Variants in RPL7L1 observed in about 807,000 individuals in gnomAD.
RPL7L1 encodes the protein ribosomal protein uL30-like.
In RPL7L1, 20 loss-of-function variants were observed where a neutral mutation model predicts 30.3. The ratio of observed to expected loss-of-function variants is 0.66; its 90% CI spans 0.46 to 0.96. RPL7L1 has a LOEUF of 0.96. Among genes scored for constraint, RPL7L1 ranks in the 40% least tolerant of loss-of-function variants. RPL7L1 has a pLI of 0.00. For synonymous variants in RPL7L1, 107 were observed against 110.1 expected, an observed-to-expected ratio of 0.97 and a Z score of 0.18; for missense variants, 271 against 314.9, an observed-to-expected ratio of 0.86 and a Z score of 1.05.
intron 2 of RPL7L1, chr6:42,881,750 CTTAAT>C (rs1345287563): frequency 1.3e-5 from 2 of 150,414 alleles, no homozygotes; most frequent in Non-Finnish European, 3.0e-5. Context: ...TTTTTTTTAA[CTTAAT>C]TTAATTTTGT....
rs146721546 is a variant in RPL7L1 at position 42,883,541 on chromosome 6, C to T, written c.238C>T (p.Arg80Ter). The T allele has an allele frequency of 1.2e-5, 19 of 1,609,576 alleles. No individual in the cohort carries two copies. Among genetic ancestry groups the T allele is most frequent in the African/African-American group, 4.0e-5 (3 of 74,722 alleles). The change falls in exon 3 of 6, where the codon CGA (arginine) becomes TGA (stop). Residue 80 changes from arginine (R) to a stop codon, truncating the protein, a stop_gained. Transcript: ENST00000493763. LOFTEE classifies it high-confidence loss of function. ...GAAACGTGACAAGGTGCGTCTCAGA[C>T]GACTAGAAGTGAAACCTCATGCCTT... ...RQKRDKVRLR[R>*]LEVKPHALEL...
At chr6:42,885,536 C>A (rs546193637) in intron 4 of RPL7L1, 1 of 159,358 alleles carries the variant, frequency 6.3e-6, no homozygotes, top group African/African-American at 2.4e-5. Flanking sequence ...CGTGCCACTG[C>A]ACTCCAGCCT....
chr6:42,879,722 A>G lies in RPL7L1; in HGVS notation c.-189A>G. The G allele has an allele frequency of 1.7e-6, 1 of 584,326 alleles. No individual in the cohort carries two copies. The highest frequency in any genetic ancestry group is 2.0e-5 in the South Asian group (1 of 50,648). The allele number at this position is 584,326 out of a possible 1,614,324, so 36.2% of individuals were successfully genotyped here. A position where few individuals can be genotyped will look rare whatever the true frequency, so the allele number is the denominator to read the frequency against. On this transcript the variant is annotated 5_prime_UTR_variant, in exon 1 of 6. Coordinates refer to ENST00000493763, the MANE Select transcript of RPL7L1 (RefSeq NM_001366481.3). Reference sequence around the variant, plus strand: ...CTTACAAGAAAAGGGCTGGGTTTTGAAAATAACACAGGCTCTAAAAACCCT... The same window carrying G: ...CTTACAAGAAAAGGGCTGGGTTTTGGAAATAACACAGGCTCTAAAAACCCT...
chr6:42,885,232 C>T (rs757927184), intron 4 of RPL7L1, among the ~76,000 whole-genome samples: 1 of 151,410 alleles, frequency 6.6e-6, no homozygotes, highest in Non-Finnish European at 1.5e-5. Context: ...TGCCTGTATT[C>T]CCAGCTACTT....
chr6:42,883,668 A>G (rs1766163608), intron 3 of RPL7L1, 54 bp downstream of exon 3: 2 of 1,444,546 alleles, frequency 1.4e-6, no homozygotes, highest in African/African-American at 2.8e-5. Context: ...GTGTTGCTTA[A>G]GCTTTAGACC....
In RPL7L1 at chr6:42,883,526, A is replaced by G. The variant is rs142190825; in HGVS notation, c.223A>G (p.Lys75Glu). 11 of 1,609,988 alleles carry G rather than the reference A, an allele frequency of 6.8e-6. No individual in the cohort carries two copies. Among genetic ancestry groups the G allele is most frequent in the Non-Finnish European group, 9.3e-6 (11 of 1,178,010 alleles). ...TGATTCCTGGCGGCAGAAACGTGAC[A>G]AGGTGCGTCTCAGACGACTAGAAGT... ...LHDSWRQKRDKVRLRRLEVKP... is the reference protein window; with the variant it reads ...LHDSWRQKRDEVRLRRLEVKP... The change falls in exon 3 of 6, where the codon AAG becomes GAG. Residue 75 changes from lysine (K) to glutamate (E), a missense_variant. Coordinates refer to ENST00000493763, the MANE Select transcript of RPL7L1 (RefSeq NM_001366481.3).
At chr6:42,884,519 C>T in intron 3 of RPL7L1, 94 bp from the exon 4 acceptor site, 2 of 1,134,992 alleles carry the variant, frequency 1.8e-6, no homozygotes, top group Non-Finnish European at 2.6e-6. Context: ...TGTCTTATTC[C>T]AGATTACCCA....
chr6:42,881,457 A>T (rs7773231), intron 2 of RPL7L1: 63,004 of 151,908 alleles, frequency 0.41, 15,622 homozygotes, highest in African/African-American at 0.7. Flanking sequence ...AGAGCGAGAC[A>T]CTCTCTCAAA....
rs1765997225 is a variant in RPL7L1 at position 42,879,731 on chromosome 6, C to T, written c.-180C>T. On this transcript the variant is annotated 5_prime_UTR_variant, in exon 1 of 6. Transcript: ENST00000493763. Reference sequence around the variant, plus strand: ...AAAGGGCTGGGTTTTGAAAATAACACAGGCTCTAAAAACCCTAAGAAGCGG... The same window carrying T: ...AAAGGGCTGGGTTTTGAAAATAACATAGGCTCTAAAAACCCTAAGAAGCGG... 4.9e-6 allele frequency: 3 copies of T among 608,816 alleles called. No individual in the cohort carries two copies. 37.7% of individuals were successfully genotyped at this position (608,816 alleles called of 1,614,324 possible).
In RPL7L1 at chr6:42,888,272, C is replaced by T. The variant is rs1766350693; in HGVS notation, c.*1808C>T. On this transcript the variant is annotated 3_prime_UTR_variant, in exon 6 of 6. Transcript: ENST00000493763. ...TGGGTTCAAGTGATTCTGCCTCAGC[C>T]CCTTGATCAGCTGGGATTACATGCA... The T allele has an allele frequency of 6.6e-6, 1 of 152,266 alleles. No homozygotes were observed. The highest frequency in any genetic ancestry group is 2.1e-4 in the South Asian group (1 of 4,834). 9.4% of individuals were successfully genotyped at this position (152,266 alleles called of 1,614,324 possible).
rs1428851597 is a variant in RPL7L1 at position 42,887,497 on chromosome 6, C to T, written c.*1033C>T. 1.3e-5 allele frequency: 2 copies of T among 151,920 alleles called. No individual in the cohort carries two copies. The highest frequency in any genetic ancestry group is 1.9e-4 in the East Asian group (1 of 5,176). 9.4% of individuals were successfully genotyped at this position (151,920 alleles called of 1,614,324 possible). A position where few individuals can be genotyped will look rare whatever the true frequency, so the allele number is the denominator to read the frequency against. ...ACTCAGGAGGCTGAGGCAGGAGAAT[C>T]GCTTGAACCTGGGAGGTGGAAGTTG... On this transcript the variant is annotated 3_prime_UTR_variant, in exon 6 of 6. Coordinates refer to ENST00000493763, the MANE Select transcript of RPL7L1 (RefSeq NM_001366481.3).
At chr6:42,879,995 A>AC in intron 1 of RPL7L1, 44 bp downstream of exon 1, 1 of 1,579,496 alleles carries the variant, frequency 6.3e-7, no homozygotes, top group South Asian at 1.1e-5. Context: ...GGTCTTGAGT[A>AC]TCCGGTGCCA....
intron 3 of RPL7L1, among the ~76,000 whole-genome samples, chr6:42,884,385 C>T (rs993636134): frequency 1.3e-5 from 2 of 152,124 alleles, no homozygotes; most frequent in Admixed American, 6.5e-5. Flanking sequence ...CACCACTCCG[C>T]CTACCCCTGA....
Position 42,883,459 on chromosome 6 carries a change from A to G in RPL7L1, c.156A>G (p.Lys52=). The change falls in exon 3 of 6, where the codon AAA becomes AAG. Residue 52 remains lysine (K), a synonymous_variant. Transcript: ENST00000493763. ...QALLAKKEQK[K]GKGLRFKRLE... ...GTCTGTCTTCTCTGTAGCAGAAGAA[A>G]GGAAAAGGGCTCAGGTTTAAGCGAC... is the stretch of plus-strand genomic sequence containing the variant. 1 of 1,580,840 alleles carries G rather than the reference A, an allele frequency of 6.3e-7. No individual in the cohort carries two copies. The highest frequency in any genetic ancestry group is 8.6e-7 in the Non-Finnish European group (1 of 1,167,064).
rs1370173605 is a variant in RPL7L1, at chr6:42,879,964, G to A, written c.41+13G>A. 1 of 1,613,868 alleles carries A rather than the reference G, an allele frequency of 6.2e-7. No individual in the cohort carries two copies. Among genetic ancestry groups the A allele is most frequent in the South Asian group, 1.1e-5 (1 of 91,078 alleles). On this transcript the variant is annotated intron_variant, in intron 1 of 5. Coordinates refer to ENST00000493763, the MANE Select transcript of RPL7L1 (RefSeq NM_001366481.3). ...TGGCGGAGCAAGAGTGAGTGTTTGG[G>A]GCTTTGAATATCTGGAGTGGGGTCT...
Position 42,884,497 on chromosome 6 carries a change from G to T in RPL7L1, c.312-116G>T, listed in dbSNP as rs747406314. 1.6e-5 allele frequency: 14 copies of T among 899,412 alleles called. No homozygotes were observed. In the South Asian group the frequency reaches 1.8e-4, roughly 11 times the overall value. The allele number at this position is 899,412 out of a possible 1,614,324, so 55.7% of individuals were successfully genotyped here. A position where few individuals can be genotyped will look rare whatever the true frequency, so the allele number is the denominator to read the frequency against. ...CTCCCACTAAACTGAGCTCTTTAAGGCATAGTCTCTGTGTCTTATTCCAGA... is the reference window on the plus strand; with the variant it reads ...CTCCCACTAAACTGAGCTCTTTAAGTCATAGTCTCTGTGTCTTATTCCAGA... On this transcript the variant is annotated intron_variant, in intron 3 of 5. Transcript: ENST00000493763.
intron 4 of RPL7L1, chr6:42,885,605 T>C (rs1766237316): frequency 1.1e-5 from 2 of 179,128 alleles, no homozygotes; most frequent in Non-Finnish European, 2.4e-5. Flanking sequence ...CCTCAAACAT[T>C]GAAACCCAAC....
rs1439456054 is a variant in RPL7L1, at chr6:42,888,297, A to T, written c.*1833A>T. ...CCCTTGATCAGCTGGGATTACATGC[A>T]TGTACCACCACACCCAGCTAATTCT... On this transcript the variant is annotated 3_prime_UTR_variant, in exon 6 of 6. Coordinates refer to ENST00000493763, the MANE Select transcript of RPL7L1 (RefSeq NM_001366481.3). 6.6e-6 allele frequency: 1 copy of T among 152,208 alleles called. No individual in the cohort carries two copies. Among genetic ancestry groups the T allele is most frequent in the Non-Finnish European group, 1.5e-5 (1 of 68,070 alleles). The allele number at this position is 152,208 out of a possible 1,614,324, so 9.4% of individuals were successfully genotyped here.
chr6:42,881,082 G>C, intron 2 of RPL7L1, 116 bp downstream of exon 2: 1 of 657,924 alleles, frequency 1.5e-6, no homozygotes, highest in South Asian at 1.6e-5. Flanking sequence ...TGACAGACCA[G>C]GTATAGTTGT....
Sources: gnomAD v4.1 joint callset for allele counts (sites outside exome capture counted in the v4.1 genomes callset) on GRCh38, gnomAD v4.1.1 for gene constraint, MANE v1.5 for transcripts, NCBI Gene and HGNC (gene_info 2026-07-23, HGNC 2026-07-21) for gene names.